Variants in NR1H3 observed in about 807,000 individuals in gnomAD.
NR1H3 encodes the protein nuclear receptor subfamily 1 group H member 3.
A neutral mutation model predicts 48.1 loss-of-function variants in NR1H3; 19 were observed. The observed-to-expected ratio is 0.40, with a 90% confidence interval of 0.28 to 0.58. The LOEUF (loss-of-function observed/expected upper bound fraction) is 0.58. Ranked by LOEUF, NR1H3 falls within the 20% of genes least tolerant of loss-of-function variation. NR1H3 has a pLI of 0.50. For missense variants in NR1H3, 486 were observed against 595.9 expected, an observed-to-expected ratio of 0.82 and a Z score of 1.92; for synonymous variants, 232 against 227.3, an observed-to-expected ratio of 1.02 and a Z score of -0.19.
Position 47,267,975 on chromosome 11 carries a change from C to T in NR1H3, c.1051C>T (p.Leu351Phe). 6.2e-7 allele frequency: 1 copy of T among 1,614,116 alleles called. No homozygotes were observed. Among genetic ancestry groups the T allele is most frequent in the Non-Finnish European group, 8.5e-7 (1 of 1,180,022 alleles). The part of the protein sequence containing the change: ...EFSRAMNELQ[L>F]NDAEFALLIA... ...CTCCAGGGCCATGAATGAGCTGCAA[C>T]TCAATGATGCCGAGTTTGCCTTGCT... Residue 351 changes from leucine (L) to phenylalanine (F), a missense_variant, in exon 8 of 10, where the codon CTC becomes TTC. Leu to Phe is a conservative substitution (Grantham distance 22). Coordinates refer to ENST00000441012, the MANE Select transcript of NR1H3 (RefSeq NM_005693.4).
At chr11:47,259,695 G>A in intron 2 of NR1H3, 96 bp from the exon 3 acceptor site, 1 of 1,584,790 alleles carries the variant, frequency 6.3e-7, no homozygotes, top group Non-Finnish European at 8.6e-7. Context: ...TGCCCTCTAA[G>A]GGTGGGGATA....
intron 1 of NR1H3, among the ~76,000 whole-genome samples, chr11:47,250,221 G>A (rs1954526012): frequency 6.6e-6 from 1 of 151,974 alleles, no homozygotes; most frequent in African/African-American, 2.4e-5. Flanking sequence ...AGCCTGAGCA[G>A]CTTAGGAAGA....
Position 47,259,238 on chromosome 11 carries a change from C to G in NR1H3, c.22C>G (p.Pro8Ala), listed in dbSNP as rs1379315862. 1 of 1,614,170 alleles carries G rather than the reference C, an allele frequency of 6.2e-7. No homozygotes were observed. The highest frequency in any genetic ancestry group is 1.1e-5 in the South Asian group (1 of 91,078). The change falls in exon 2 of 10, where the codon CCT (proline) becomes GCT (alanine). Residue 8 changes from proline (P) to alanine (A), a missense_variant. Coordinates refer to ENST00000441012, the MANE Select transcript of NR1H3 (RefSeq NM_005693.4). ...AGAGATGTCCTTGTGGCTGGGGGCCCCTGTGCCTGACATTCCTCCTGGTAA... is the reference window on the plus strand; with the variant it reads ...AGAGATGTCCTTGTGGCTGGGGGCCGCTGTGCCTGACATTCCTCCTGGTAA... MSLWLGAPVPDIPPDSAV... is the reference protein window; with the variant it reads MSLWLGAAVPDIPPDSAV...
rs576760469 is a variant in NR1H3, at chr11:47,268,550, G to C, written c.1198G>C (p.Asp400His). 6.2e-7 allele frequency: 1 copy of C among 1,614,158 alleles called. No individual in the cohort carries two copies. Among genetic ancestry groups the C allele is most frequent in the East Asian group, 2.2e-5 (1 of 44,876 alleles). Reference sequence around the variant, plus strand: ...GTGTTTGTCTCTCTCCTTTCCCCAGGACCGACTGATGTTCCCACGGATGCT... The same window carrying C: ...GTGTTTGTCTCTCTCCTTTCCCCAGCACCGACTGATGTTCCCACGGATGCT... ...HAYVSIHHPH[D>H]RLMFPRMLMK... Residue 400 changes from aspartate (D) to histidine (H), a missense_variant and splice_region_variant, in exon 10 of 10, where the codon GAC becomes CAC. By Grantham distance (81) the Asp-to-His change is moderately conservative (BLOSUM62 -1). Transcript: ENST00000441012.
chr11:47,248,954 C>G, exon 1 of NR1H3: 1 of 1,528,638 alleles, frequency 6.5e-7, no homozygotes, highest in Non-Finnish European at 8.7e-7. Context: ...GGTGGGATTG[C>G]GTGCAGGAGG....
chr11:47,255,475 A>G (rs1049674620), upstream of NR1H3, among the ~76,000 whole-genome samples: 1 of 152,208 alleles, frequency 6.6e-6, no homozygotes, highest in African/African-American at 2.4e-5. Flanking sequence ...GAGGGTGATG[A>G]TAACTCGTGC....
At chr11:47,249,969 G>C (rs373579127) in intron 1 of NR1H3, among the ~76,000 whole-genome samples, 11 of 152,002 alleles carry the variant, frequency 7.2e-5, no homozygotes, top group African/African-American at 2.7e-4. Flanking sequence ...GTGCAGTGGC[G>C]TGCTCCTGTA....
At chr11:47,258,591 C>T (rs1186339761) in intron 1 of NR1H3, 3 of 152,266 alleles carry the variant, frequency 2.0e-5, no homozygotes, top group Admixed American at 6.6e-5. Context: ...ACTCTACCGC[C>T]GCCTAACTGT....
chr11:47,249,414 C>T (rs1954418260), intron 1 of NR1H3, among the ~76,000 whole-genome samples: 1 of 152,188 alleles, frequency 6.6e-6, no homozygotes, highest in African/African-American at 2.4e-5. Context: ...CAGTCCTTTC[C>T]CTGTCCTCCC....
intron 8 of NR1H3, 117 bp downstream of exon 8, chr11:47,268,143 G>A: frequency 8.2e-7 from 1 of 1,218,686 alleles, no homozygotes; most frequent in South Asian, 1.3e-5. Flanking sequence ...GGCATTTGCT[G>A]TGTTATTTTA....
In NR1H3 at chr11:47,261,648, C is replaced by G; in HGVS notation, c.810C>G (p.Asp270Glu). 6.2e-7 allele frequency: 1 copy of G among 1,614,248 alleles called. No individual in the cohort carries two copies. The highest frequency in any genetic ancestry group is 1.1e-5 in the South Asian group (1 of 91,084). ...TCGTCTCTGTGCAGGAGATAGTTGA[C>G]TTTGCTAAACAGCTACCCGGCTTCC... ...LAIVSVQEIV[D>E]FAKQLPGFLQ... The change falls in exon 6 of 10, where the codon GAC becomes GAG. Residue 270 changes from aspartate to glutamate, a missense_variant. Transcript: ENST00000441012.
intron 2 of NR1H3, chr11:47,259,565 C>T (rs377422297): frequency 1.4e-6 from 2 of 1,465,624 alleles, no homozygotes; most frequent in Non-Finnish European, 1.8e-6. Context: ...TCCAGCCCCC[C>T]AAAGGGACAA....
In NR1H3 at chr11:47,261,374, G is replaced by T. The variant is rs189417873; in HGVS notation, c.633G>T (p.Leu211=). 2 of 1,614,080 alleles carry T rather than the reference G, an allele frequency of 1.2e-6. No homozygotes were observed. The highest frequency in any genetic ancestry group is 3.3e-5 in the Admixed American group (2 of 60,000). The change falls in exon 5 of 10, where the codon CTG becomes CTT. Residue 211 remains leucine (L), a synonymous_variant. Transcript: ENST00000441012. ...QILPQLSPEQ[L]GMIEKLVAAQ... Reference sequence around the variant, plus strand: ...TGCCCCAGCTCAGCCCGGAACAACTGGGCATGATCGAGAAGCTCGTCGCTG... The same window carrying T: ...TGCCCCAGCTCAGCCCGGAACAACTTGGCATGATCGAGAAGCTCGTCGCTG...
At chr11:47,253,803 A>G (rs1954858000), upstream of NR1H3, among the ~76,000 whole-genome samples, 1 of 152,210 alleles carries the variant, frequency 6.6e-6, no homozygotes, top group South Asian at 2.1e-4. Context: ...TGCCTCCTGC[A>G]GGAGCCAAGG....
At chr11:47,264,251 C>T (rs943375395) in intron 7 of NR1H3, among the ~76,000 whole-genome samples, 3 of 152,120 alleles carry the variant, frequency 2.0e-5, no homozygotes, top group African/African-American at 7.2e-5. Context: ...TGGCTGATGC[C>T]CTGACTCCAC....
intron 1 of NR1H3, among the ~76,000 whole-genome samples, chr11:47,249,423 C>T (rs1309266091): frequency 6.6e-6 from 1 of 152,286 alleles, no homozygotes; most frequent in East Asian, 1.9e-4. Context: ...CCCTGTCCTC[C>T]CTCCCCTCCA....
intron 8 of NR1H3, 48 bp from the exon 9 acceptor site, chr11:47,268,213 A>G: frequency 6.4e-7 from 1 of 1,571,360 alleles, no homozygotes; most frequent in Non-Finnish European, 8.7e-7. Context: ...GGGGTATGGA[A>G]CTGGACCCTG....
At chr11:47,248,453 T>G (rs1211487951), upstream of NR1H3, 3 of 1,544,714 alleles carry the variant, frequency 1.9e-6, no homozygotes, top group East Asian at 7.3e-5. Context: ...TCTTAACCAT[T>G]CAACCACTTC....
In NR1H3 at chr11:47,261,723, C is replaced by A. The variant is rs748746360; in HGVS notation, c.885C>A (p.Ile295=). The change falls in exon 6 of 10, where the codon ATC becomes ATA. Residue 295 remains isoleucine, a synonymous_variant. Coordinates refer to ENST00000441012, the MANE Select transcript of NR1H3 (RefSeq NM_005693.4). ...DQIALLKTSA[I]EVMLLETSRR... The stretch of plus-strand genomic sequence containing the variant: ...TTGCCCTGCTGAAGACCTCTGCGAT[C>A]GAGGTGGCTGGAGAAGGGCAAGGGA... 2 of 1,613,886 alleles carry A rather than the reference C, an allele frequency of 1.2e-6. No individual in the cohort carries two copies. Among genetic ancestry groups the A allele is most frequent in the African/African-American group, 2.7e-5 (2 of 74,922 alleles).
Sources: allele counts gnomAD v4.1 joint callset (sites outside exome capture counted in the v4.1 genomes callset), GRCh38; gene constraint gnomAD v4.1.1; transcripts MANE v1.5; gene names NCBI Gene and HGNC (gene_info 2026-07-23, HGNC 2026-07-21).